The following MAPRE3 variants were observed in gnomAD, a reference collection of about 807,000 sequenced individuals.
MAPRE3 encodes the protein microtubule associated protein RP/EB family member 3.
In MAPRE3, 2 loss-of-function variants were observed where a neutral mutation model predicts 30.5. The observed-to-expected ratio is 0.07, with a 90% CI of 0.03 to 0.21. The LOEUF (loss-of-function observed/expected upper bound fraction) is 0.21, where lower values mean the gene tolerates loss of function less well. Among genes scored for constraint, MAPRE3 ranks in the 10% least tolerant of loss-of-function variants. The probability of loss-of-function intolerance (pLI) is 1.00; values close to 1 mark genes in which losing one functional copy is unlikely to be tolerated. For missense variants in MAPRE3, 204 were observed against 351.8 expected (o/e 0.58, Z 3.36); for synonymous variants, 110 against 127.7 (o/e 0.86, Z 0.93).
chr2:26,998,215 GT>G lies in MAPRE3; in HGVS notation c.-7-23995del, dbSNP rs1232290823. Among the ~76,000 whole-genome samples the G allele has an allele frequency of 2.6e-5, 4 of 152,316 alleles. No homozygotes were observed. In the East Asian group the frequency reaches 7.7e-4, roughly 29 times the overall value. On this transcript the variant is annotated intron_variant, in intron 1 of 6. Coordinates refer to ENST00000233121, the MANE Select transcript of MAPRE3 (RefSeq NM_012326.4). ...CTGGGCCCTTAAGTCATTAAAGGCAGTTCTCATGTCATGCTGAGTTTTTCTT... is the reference window on the plus strand; with the variant it reads ...CTGGGCCCTTAAGTCATTAAAGGCAGTCTCATGTCATGCTGAGTTTTTCTT...
intron 1 of MAPRE3, among the ~76,000 whole-genome samples, chr2:27,021,228 C>G (rs1194890150): frequency 6.6e-6 from 1 of 152,096 alleles, no homozygotes; most frequent in Admixed American, 6.5e-5. Context: ...AACAAATTCC[C>G]TCATGAATAC....
At chr2:26,996,472 A>G (rs1666461819) in intron 1 of MAPRE3, among the ~76,000 whole-genome samples, 1 of 152,078 alleles carries the variant, frequency 6.6e-6, no homozygotes, top group Non-Finnish European at 1.5e-5. Flanking sequence ...AGTTTTCTTA[A>G]CTAGCAGAGA....
At chr2:26,981,046 G>A (rs1265161589) in intron 1 of MAPRE3, among the ~76,000 whole-genome samples, 3 of 152,102 alleles carry the variant, frequency 2.0e-5, no homozygotes, top group Non-Finnish European at 2.9e-5. Context: ...GTAAAATAGA[G>A]CCAAGGCCAC....
chr2:26,975,542 A>T (rs567364233), intron 1 of MAPRE3, among the ~76,000 whole-genome samples: 1 of 152,006 alleles, frequency 6.6e-6, no homozygotes, highest in East Asian at 1.9e-4. Context: ...GGAAATACCC[A>T]TGTATAGACA....
chr2:26,994,873 A>G (rs547804691), intron 1 of MAPRE3, among the ~76,000 whole-genome samples: 3 of 126,320 alleles, frequency 2.4e-5, no homozygotes, highest in Non-Finnish European at 3.2e-5. Flanking sequence ...TACTCTGTCT[A>G]TCACCCAGGC....
At chr2:26,989,017 G>A (rs1572748074) in intron 1 of MAPRE3, among the ~76,000 whole-genome samples, 1 of 152,142 alleles carries the variant, frequency 6.6e-6, no homozygotes, top group South Asian at 2.1e-4. Flanking sequence ...TGAAGTCCCA[G>A]TTTATTATTC....
intron 1 of MAPRE3, among the ~76,000 whole-genome samples, chr2:26,997,393 T>G (rs1666486806): frequency 6.6e-6 from 1 of 152,060 alleles, no homozygotes; most frequent in South Asian, 2.1e-4. Context: ...CTGTCCTTTG[T>G]GTTAGCGTAT....
Position 27,025,635 on chromosome 2 carries a change from G to A in MAPRE3, c.522G>A (p.Arg174=). 1 of 1,606,720 alleles carries A rather than the reference G, an allele frequency of 6.2e-7. No individual in the cohort carries two copies. Among genetic ancestry groups the A allele is most frequent in the Non-Finnish European group, 8.5e-7 (1 of 1,176,308 alleles). ...CAAAAAACATGCAGACCTCTGGCCG[G>A]CTGAGCAATGTGGCCCCCCCCTGCA... ...TGPKNMQTSG[R]LSNVAPPCIL... Residue 174 remains arginine, a synonymous_variant, in exon 5 of 7, where the codon CGG becomes CGA. Coordinates refer to ENST00000233121, the MANE Select transcript of MAPRE3 (RefSeq NM_012326.4).
At chr2:26,999,055 A>G (rs573631911) in intron 1 of MAPRE3, among the ~76,000 whole-genome samples, 3 of 152,132 alleles carry the variant, frequency 2.0e-5, no homozygotes, top group Non-Finnish European at 4.4e-5. Context: ...GCGGGGAGGG[A>G]TTCAGTATTA....
At chr2:26,984,609 CCTT>C (rs998285584) in intron 1 of MAPRE3, among the ~76,000 whole-genome samples, 1 of 152,222 alleles carries the variant, frequency 6.6e-6, no homozygotes, top group African/African-American at 2.4e-5. Flanking sequence ...ACAAATGTGT[CCTT>C]CTTCTGCATA....
intron 1 of MAPRE3, among the ~76,000 whole-genome samples, chr2:27,020,747 T>C (rs1238135715): frequency 3.3e-5 from 5 of 152,230 alleles, no homozygotes; most frequent in Non-Finnish European, 7.3e-5. Flanking sequence ...GAGTGTCTCT[T>C]TTATGACTGC....
chr2:27,003,908 T>C (rs1326499076), intron 1 of MAPRE3, among the ~76,000 whole-genome samples: 1 of 152,208 alleles, frequency 6.6e-6, no homozygotes, highest in African/African-American at 2.4e-5. Context: ...TTGACACGTG[T>C]GAGGTTCTGT....
At chr2:27,001,693 C>T (rs1277999849) in intron 1 of MAPRE3, among the ~76,000 whole-genome samples, 2 of 152,162 alleles carry the variant, frequency 1.3e-5, no homozygotes, top group Non-Finnish European at 2.9e-5. Flanking sequence ...TGCATATATA[C>T]ACACATACGT....
chr2:26,991,195 A>C (rs1666335411), intron 1 of MAPRE3, among the ~76,000 whole-genome samples: 1 of 152,212 alleles, frequency 6.6e-6, no homozygotes, highest in African/African-American at 2.4e-5. Context: ...CAGAGCTTGC[A>C]GTGAGCCGAG....
At chr2:27,021,466 C>T (rs750459586) in intron 1 of MAPRE3, among the ~76,000 whole-genome samples, 17 of 152,156 alleles carry the variant, frequency 1.1e-4, no homozygotes, top group Non-Finnish European at 2.1e-4. Flanking sequence ...TGTGGACAAG[C>T]AGAATTTAGA....
At chr2:26,976,094 T>C (rs1027926871) in intron 1 of MAPRE3, among the ~76,000 whole-genome samples, 1 of 152,226 alleles carries the variant, frequency 6.6e-6, no homozygotes, top group African/African-American at 2.4e-5. Context: ...TCTTAGTTAA[T>C]GTCAAGAGGG....
chr2:27,026,045 AGGCC>A lies in MAPRE3; in HGVS notation c.777+14_777+17del. On this transcript the variant is annotated intron_variant, in intron 6 of 6. Coordinates refer to ENST00000233121, the MANE Select transcript of MAPRE3 (RefSeq NM_012326.4). ...CTATGCCACAGAGGTGAGCACTCCC[AGGCC>A]CATTGGGCCCTCCCCAGTCTGGCCT... 6.2e-7 allele frequency: 1 copy of A among 1,614,046 alleles called. No individual in the cohort carries two copies. The highest frequency in any genetic ancestry group is 8.5e-7 in the Non-Finnish European group (1 of 1,179,990).
Position 27,026,376 on chromosome 2 carries a change from C to CGGGGA in MAPRE3, c.*28_*29insGGGGA. On this transcript the variant is annotated 3_prime_UTR_variant, in exon 7 of 7. Coordinates refer to ENST00000233121, the MANE Select transcript of MAPRE3 (RefSeq NM_012326.4). ...GCGGCCGCAGCCCTGGCTGACTGCA[C>CGGGGA]AGCTTCCCCGTGCCTCCCTCCCTGC... 1 of 1,589,764 alleles carries CGGGGA rather than the reference C, an allele frequency of 6.3e-7. No individual in the cohort carries two copies. Among genetic ancestry groups the CGGGGA allele is most frequent in the Non-Finnish European group, 8.6e-7 (1 of 1,162,076 alleles).
intron 1 of MAPRE3, chr2:27,013,676 G>C (rs1326480063): frequency 1.3e-5 from 2 of 152,262 alleles, no homozygotes; most frequent in Non-Finnish European, 2.9e-5. Context: ...CAAAAGCACA[G>C]CTCTGTCTTT....
Sources: allele counts gnomAD v4.1 joint callset (sites outside exome capture counted in the v4.1 genomes callset), GRCh38; gene constraint gnomAD v4.1.1; transcripts MANE v1.5; gene names NCBI Gene and HGNC (gene_info 2026-07-23, HGNC 2026-07-21).